Variants in BTAF1 observed in about 807,000 individuals in gnomAD.
The protein encoded by BTAF1 is B-TFIID TATA-box binding protein associated factor 1.
A neutral mutation model predicts 227.1 loss-of-function variants in BTAF1; 38 were observed. That is an observed-to-expected ratio of 0.17 (90% CI 0.13 to 0.22). The LOEUF is 0.22. Among genes scored for constraint, BTAF1 ranks in the 10% least tolerant of loss-of-function variants. The pLI is 1.00. For synonymous variants in BTAF1, 742 were observed against 751.9 expected (o/e 0.99, Z 0.21); for missense variants, 1,598 against 2,204.0 (o/e 0.73, Z 5.51).
chr10:91,981,643 G>T lies in BTAF1; in HGVS notation c.1756G>T (p.Val586Phe). The change falls in exon 16 of 38, where the codon GTT (valine) becomes TTT (phenylalanine). Residue 586 changes from valine (V) to phenylalanine (F), a missense_variant and splice_region_variant. By Grantham distance (50) the Val-to-Phe change is conservative (BLOSUM62 -1). Around this residue, in one of 10 missense-constraint regions of BTAF1, gnomAD observed 318 missense variants for 435.0 expected, o/e 0.73. Coordinates refer to ENST00000265990, the MANE Select transcript of BTAF1 (RefSeq NM_003972.3). Reference protein sequence around the residue: ...SQEILDLIHKVWMELLSKASV... With the variant: ...SQEILDLIHKFWMELLSKASV... ...TTCATGTCCCCCTTTTACCCTGCAG[G>T]TTTGGATGGAACTGTTGAGTAAGGC... 6.3e-7 allele frequency: 1 copy of T among 1,595,748 alleles called. No homozygotes were observed. The highest frequency in any genetic ancestry group is 8.5e-7 in the Non-Finnish European group (1 of 1,173,654).
At chr10:92,013,577 GATT>G in intron 30 of BTAF1, 87 bp from the exon 31 acceptor site, 1 of 1,498,136 alleles carries the variant, frequency 6.7e-7, no homozygotes, top group East Asian at 2.3e-5. Flanking sequence ...TCATCTATAT[GATT>G]ATAATAATGG....
chr10:91,925,446 T>C (rs1261148175), intron 1 of BTAF1, among the ~76,000 whole-genome samples: 1 of 151,886 alleles, frequency 6.6e-6, no homozygotes, highest in Non-Finnish European at 1.5e-5. Context: ...TTTCACAGGA[T>C]TGGATGTAGC....
intron 30 of BTAF1, 78 bp downstream of exon 30, chr10:92,011,493 AT>A: frequency 1.6e-6 from 1 of 639,040 alleles, no homozygotes; most frequent in East Asian, 4.5e-5. Context: ...TAGGCTTGGT[AT>A]TTGGCGGTGA....
chr10:91,924,934 A>G (rs1328819008), intron 1 of BTAF1, among the ~76,000 whole-genome samples: 2 of 152,264 alleles, frequency 1.3e-5, no homozygotes, highest in Non-Finnish European at 1.5e-5. Flanking sequence ...TTGATATGGT[A>G]ACTTTTAATG....
At chr10:92,018,707 T>A (rs1245359981) in intron 33 of BTAF1, 76 bp from the exon 34 acceptor site, 1 of 1,264,998 alleles carries the variant, frequency 7.9e-7, no homozygotes, top group South Asian at 2.1e-5. Flanking sequence ...GGAAATAGCA[T>A]AGGGAAAGAT....
rs71025374 is a variant in BTAF1, at chr10:91,959,738, GTGTATATA to G, written c.991-45_991-38del. The G allele has an allele frequency of 0.11, 40,475 of 364,898 alleles. 2,135 individuals are homozygous for G. Among genetic ancestry groups the G allele is most frequent in the Admixed American group, 0.23 (3,327 of 14,482 alleles). 22.6% of individuals were successfully genotyped at this position (364,898 alleles called of 1,614,324 possible). On this transcript the variant is annotated intron_variant, in intron 9 of 37. Transcript: ENST00000265990. ...AAAAAATGTGTGTGTGTGTGTGTGTGTGTATATATATATATATATATATATATATATAT... is the reference window on the plus strand; with the variant it reads ...AAAAAATGTGTGTGTGTGTGTGTGTGTATATATATATATATATATATATAT...
chr10:91,981,862 A>T (rs1848085157), intron 16 of BTAF1, 70 bp downstream of exon 16: 4 of 1,486,058 alleles, frequency 2.7e-6, no homozygotes, highest in Non-Finnish European at 3.6e-6. Flanking sequence ...CCATATTTTT[A>T]AAAATCTGTA....
At chr10:91,985,530 AG>A (rs1197476624) in intron 19 of BTAF1, among the ~76,000 whole-genome samples, 4 of 152,090 alleles carry the variant, frequency 2.6e-5, no homozygotes, top group Non-Finnish European at 4.4e-5. Context: ...ATCATAAGAT[AG>A]GTGTAGGTTT....
intron 25 of BTAF1, among the ~76,000 whole-genome samples, chr10:91,999,094 A>G (rs1249147307): frequency 6.6e-6 from 1 of 151,780 alleles, no homozygotes; most frequent in Non-Finnish European, 1.5e-5. Flanking sequence ...AGTTATTATG[A>G]ATAATGCTGC....
chr10:91,998,882 G>GTGAAA (rs1175904022), intron 25 of BTAF1, among the ~76,000 whole-genome samples: 2 of 151,970 alleles, frequency 1.3e-5, no homozygotes, highest in African/African-American at 4.8e-5. Context: ...ATACAAAATG[G>GTGAAA]TGAAACCTCG....
At chr10:91,974,810 C>G (rs139974447) in intron 14 of BTAF1, among the ~76,000 whole-genome samples, 1 of 152,286 alleles carries the variant, frequency 6.6e-6, no homozygotes, top group East Asian at 1.9e-4. Context: ...CGAGAGATTG[C>G]ACCACTGCAC....
intron 20 of BTAF1, among the ~76,000 whole-genome samples, chr10:91,991,767 T>TTA (rs1163007088): frequency 1.7e-4 from 19 of 108,640 alleles, no homozygotes; most frequent in African/African-American, 6.1e-4. Context: ...AAAAAAAAAA[T>TTA]TATATATATG....
At chr10:91,968,799 G>A (rs1464145787) in intron 14 of BTAF1, among the ~76,000 whole-genome samples, 1 of 152,138 alleles carries the variant, frequency 6.6e-6, no homozygotes, top group Non-Finnish European at 1.5e-5. Context: ...ATGATGTTAA[G>A]CATCTTTTCA....
At chr10:91,980,633 T>C (rs1847993294) in intron 15 of BTAF1, 75 bp downstream of exon 15, 1 of 1,140,566 alleles carries the variant, frequency 8.8e-7, no homozygotes, top group Admixed American at 1.9e-5. Context: ...TAATTGCTGT[T>C]CTGTTGGTCA....
chr10:92,000,292 T>G (rs1252484798), intron 25 of BTAF1, among the ~76,000 whole-genome samples: 1 of 152,198 alleles, frequency 6.6e-6, no homozygotes, highest in African/African-American at 2.4e-5. Flanking sequence ...TCCTTGGCCC[T>G]TTCTTAGCTT....
chr10:91,928,541 A>T (rs142936556), intron 1 of BTAF1, among the ~76,000 whole-genome samples: 550 of 152,240 alleles, frequency 3.6e-3, no homozygotes, highest in African/African-American at 0.012. Flanking sequence ...CACAAAGTCA[A>T]CCTCAGCAAA....
At chr10:91,995,806 A>G (rs562434472) in intron 23 of BTAF1, among the ~76,000 whole-genome samples, 2 of 152,216 alleles carry the variant, frequency 1.3e-5, no homozygotes, top group Admixed American at 6.5e-5. Context: ...TCTCATCAGC[A>G]TTAATTCTGG....
At chr10:91,947,761 A>C (rs1232141628) in intron 4 of BTAF1, among the ~76,000 whole-genome samples, 1 of 138,304 alleles carries the variant, frequency 7.2e-6, no homozygotes, top group East Asian at 2.2e-4. Flanking sequence ...AAAAAAAGCC[A>C]GCTGGGATTT....
At chr10:91,967,727 G>T (rs2133926316) in intron 14 of BTAF1, among the ~76,000 whole-genome samples, 1 of 152,322 alleles carries the variant, frequency 6.6e-6, no homozygotes, top group South Asian at 2.1e-4. Flanking sequence ...TGATATGACA[G>T]CTGGCATGGG....
Sources: gnomAD v4.1 joint callset for allele counts (sites outside exome capture counted in the v4.1 genomes callset) on GRCh38, gnomAD v4.1.1 for gene constraint, gnomAD v4.1.1 regional missense constraint, MANE v1.5 for transcripts, NCBI Gene and HGNC (gene_info 2026-07-23, HGNC 2026-07-21) for gene names.